Variants in ATP8A2 observed in about 807,000 individuals in gnomAD.
ATP8A2 encodes the protein ATPase phospholipid transporting 8A2.
A neutral mutation model predicts 165.6 loss-of-function variants in ATP8A2; 100 were observed. The observed-to-expected ratio is 0.60, with a 90% CI of 0.51 to 0.71. The LOEUF (loss-of-function observed/expected upper bound fraction) is 0.71. Among genes scored for constraint, ATP8A2 ranks in the 30% least tolerant of loss-of-function variants. The pLI is 0.00. For synonymous variants in ATP8A2, 543 were observed against 548.8 expected (o/e 0.99, Z 0.15); for missense variants, 1,227 against 1,479.5 (o/e 0.83, Z 2.80).
chr13:25,576,432 G>C (rs901753917), intron 19 of ATP8A2, among the ~76,000 whole-genome samples: 1 of 152,108 alleles, frequency 6.6e-6, no homozygotes, highest in African/African-American at 2.4e-5. Context: ...AGGGTTGGTG[G>C]GAGATGAGGT....
At chr13:25,761,887 A>T (rs1157679823) in intron 25 of ATP8A2, among the ~76,000 whole-genome samples, 1 of 151,984 alleles carries the variant, frequency 6.6e-6, no homozygotes, top group East Asian at 1.9e-4. Context: ...AGGCCAGGAA[A>T]AAAAACTAAG....
intron 27 of ATP8A2, among the ~76,000 whole-genome samples, chr13:25,788,593 A>T (rs958764048): frequency 4.6e-5 from 7 of 152,160 alleles, no homozygotes; most frequent in Admixed American, 4.6e-4. Context: ...GCAGTCACTG[A>T]TGCTCTCCTG....
intron 24 of ATP8A2, among the ~76,000 whole-genome samples, chr13:25,597,201 C>T (rs77871907): frequency 6.6e-6 from 1 of 151,584 alleles, no homozygotes; most frequent in Admixed American, 6.6e-5. Flanking sequence ...TTTTTTTTTA[C>T]CAATCTTTGT....
intron 24 of ATP8A2, among the ~76,000 whole-genome samples, chr13:25,634,571 C>T (rs905674410): frequency 2.6e-5 from 4 of 152,064 alleles, no homozygotes; most frequent in African/African-American, 9.7e-5. Context: ...TCTCTTAAGG[C>T]CCCCTTGGAA....
At chr13:25,811,474 T>C (rs1460183709) in intron 27 of ATP8A2, among the ~76,000 whole-genome samples, 1 of 152,226 alleles carries the variant, frequency 6.6e-6, no homozygotes, top group Admixed American at 6.5e-5. Flanking sequence ...TGTATGGATA[T>C]ATTTAATATC....
At chr13:25,801,981 G>T (rs1036519759) in intron 27 of ATP8A2, among the ~76,000 whole-genome samples, 2 of 152,018 alleles carry the variant, frequency 1.3e-5, no homozygotes. Flanking sequence ...TAACATGTAG[G>T]TATCTGCCCC....
chr13:25,867,980 G>A (rs1249790212), intron 33 of ATP8A2: 1 of 317,826 alleles, frequency 3.1e-6, no homozygotes, highest in Non-Finnish European at 6.4e-6. Context: ...CTATGCAATT[G>A]TTGAGACACT....
At chr13:25,836,721 T>G (rs188362635) in intron 28 of ATP8A2, among the ~76,000 whole-genome samples, 11 of 152,332 alleles carry the variant, frequency 7.2e-5, no homozygotes, top group Admixed American at 7.2e-4. Context: ...ATTTGTTTAT[T>G]GTAAATGTCT....
chr13:25,966,826 G>T (rs1216628939), intron 34 of ATP8A2, among the ~76,000 whole-genome samples: 2 of 152,176 alleles, frequency 1.3e-5, no homozygotes, highest in Admixed American at 1.3e-4. Context: ...TCCTATTCCA[G>T]CCTCCCACTT....
intron 1 of ATP8A2, among the ~76,000 whole-genome samples, chr13:25,467,348 C>G (rs901337055): frequency 2.0e-5 from 3 of 152,248 alleles, no homozygotes; most frequent in Non-Finnish European, 4.4e-5. Flanking sequence ...TCAGACTTAA[C>G]TCTTACTTAA....
chr13:25,845,808 A>C (rs1951847899), intron 30 of ATP8A2, among the ~76,000 whole-genome samples: 1 of 152,216 alleles, frequency 6.6e-6, no homozygotes. Flanking sequence ...CATTAAGCTA[A>C]ATTTGGGCAA....
At chr13:25,976,338 A>G (rs1956035917) in intron 35 of ATP8A2, among the ~76,000 whole-genome samples, 1 of 152,204 alleles carries the variant, frequency 6.6e-6, no homozygotes, top group South Asian at 2.1e-4. Flanking sequence ...TCATGTGCAG[A>G]AAAGGCGATG....
intron 36 of ATP8A2, among the ~76,000 whole-genome samples, chr13:26,015,071 A>C (rs1179735924): frequency 1.3e-5 from 2 of 152,230 alleles, no homozygotes; most frequent in African/African-American, 4.8e-5. Flanking sequence ...TTTTTATGGG[A>C]GAGTCATAAA....
intron 1 of ATP8A2, among the ~76,000 whole-genome samples, chr13:25,374,164 C>G (rs1375704138): frequency 6.6e-6 from 1 of 152,006 alleles, no homozygotes. Flanking sequence ...GGGAGGTCCC[C>G]GGAAACCCGG....
At chr13:25,969,975 C>T (rs761259527) in intron 35 of ATP8A2, among the ~76,000 whole-genome samples, 3 of 151,994 alleles carry the variant, frequency 2.0e-5, no homozygotes, top group Admixed American at 6.6e-5. Context: ...AGGGACCTAC[C>T]GTGCTCTTTG....
chr13:25,817,109 A>G (rs1238321039), intron 27 of ATP8A2, among the ~76,000 whole-genome samples: 1 of 152,110 alleles, frequency 6.6e-6, no homozygotes, highest in East Asian at 1.9e-4. Flanking sequence ...ACGACAGCAG[A>G]TCCTAACCAG....
chr13:25,697,045 C>T (rs1434813047), intron 24 of ATP8A2, among the ~76,000 whole-genome samples: 1 of 152,130 alleles, frequency 6.6e-6, no homozygotes, highest in East Asian at 1.9e-4. Flanking sequence ...ACGAAGTGAG[C>T]CGGTGCTGTT....
chr13:25,963,746 C>T (rs1006293615), intron 34 of ATP8A2, among the ~76,000 whole-genome samples: 5 of 152,216 alleles, frequency 3.3e-5, no homozygotes, highest in African/African-American at 4.8e-5. Context: ...TTATAGATTA[C>T]AAAGTGTCTG....
chr13:25,402,775 G>T (rs1028361684), intron 1 of ATP8A2, among the ~76,000 whole-genome samples: 2 of 152,330 alleles, frequency 1.3e-5, no homozygotes, highest in East Asian at 3.9e-4. Context: ...GAGGCAGCAA[G>T]TTTGCCCTGT....
Sources: gnomAD v4.1 joint callset for allele counts (sites outside exome capture counted in the v4.1 genomes callset) on GRCh38, gnomAD v4.1.1 for gene constraint, MANE v1.5 for transcripts, NCBI Gene and HGNC (gene_info 2026-07-23, HGNC 2026-07-21) for gene names.